USP43: variants seen among roughly 807,000 people sequenced by gnomAD.
USP43 encodes ubiquitin specific peptidase 43, also known as ubiquitin carboxyl-terminal hydrolase 43.
A neutral mutation model predicts 90.7 loss-of-function variants in USP43; 33 were observed. The ratio of observed to expected loss-of-function variants is 0.36; its 90% confidence interval spans 0.28 to 0.49. The LOEUF is 0.49. USP43 is among the 20% of genes least tolerant of loss of function. The pLI, the probability that USP43 is intolerant of heterozygous loss-of-function variation, is 0.98. For synonymous variants in USP43, 598 were observed against 615.8 expected (o/e 0.97, Z 0.43); for missense variants, 1,274 against 1,476.4 (o/e 0.86, Z 2.25).
intron 5 of USP43, among the ~76,000 whole-genome samples, chr17:9,678,390 C>G (rs1001434585): frequency 1.3e-5 from 2 of 152,184 alleles, no homozygotes; most frequent in African/African-American, 2.4e-5. Context: ...CGGAGTCTCC[C>G]TCTGTCGCCA....
intron 2 of USP43, 122 bp from the exon 3 acceptor site, chr17:9,666,526 C>A: frequency 1.3e-6 from 1 of 748,120 alleles, no homozygotes; most frequent in Non-Finnish European, 2.2e-6. Context: ...AAGGTTGAGA[C>A]TCTACAGAGG....
At chr17:9,719,416 G>A (rs1261378314) in intron 14 of USP43, among the ~76,000 whole-genome samples, 1 of 152,184 alleles carries the variant, frequency 6.6e-6, no homozygotes, top group East Asian at 1.9e-4. Flanking sequence ...GATGATAACT[G>A]TCCTGCAGAC....
intron 7 of USP43, among the ~76,000 whole-genome samples, chr17:9,684,664 G>A (rs936984703): frequency 6.6e-6 from 1 of 151,190 alleles, no homozygotes; most frequent in Non-Finnish European, 1.5e-5. Context: ...TCGGGAGGCT[G>A]AGGCAGGAGA....
In USP43 at chr17:9,709,981, C is replaced by T; in HGVS notation, c.2037C>T (p.Gly679=). 1 of 1,503,114 alleles carries T rather than the reference C, an allele frequency of 6.7e-7. No individual in the cohort carries two copies. The highest frequency in any genetic ancestry group is 8.9e-7 in the Non-Finnish European group (1 of 1,123,764). The allele number at this position is 1,503,114 out of a possible 1,614,324, so 93.1% of individuals were successfully genotyped here. A position where few individuals can be genotyped will look rare whatever the true frequency, so the allele number is the denominator to read the frequency against. Reference sequence around the variant, plus strand: ...CCTACTGCCGGAACTCTCTGGATGGCCAGTGGTACAGTTATGATGACAGCA... The same window carrying T: ...CCTACTGCCGGAACTCTCTGGATGGTCAGTGGTACAGTTATGATGACAGCA... ...YTAYCRNSLD[G]QWYSYDDSTV... is the part of the protein sequence containing the mutation. Residue 679 remains glycine, a synonymous_variant, in exon 13 of 15, where the codon GGC becomes GGT. Coordinates refer to ENST00000285199, the MANE Select transcript of USP43 (RefSeq NM_153210.5). The surrounding 1 kb of genome is among the most constrained non-coding windows in gnomAD (Gnocchi z 5.0).
chr17:9,661,491 C>T (rs1247029430), intron 2 of USP43, among the ~76,000 whole-genome samples: 2 of 152,048 alleles, frequency 1.3e-5, no homozygotes, highest in Non-Finnish European at 2.9e-5. Flanking sequence ...GACTGAGTAG[C>T]TGTGACTACA....
At chr17:9,676,627 C>A in intron 4 of USP43, 119 bp from the exon 5 acceptor site, 1 of 1,296,722 alleles carries the variant, frequency 7.7e-7, no homozygotes, top group Non-Finnish European at 1.0e-6. Context: ...CTGCTTCAGC[C>A]TCCCAAAATG....
rs558503786 is a variant in USP43 at position 9,723,905 on chromosome 17, G to A, written c.2336-4049G>A. The stretch of plus-strand genomic sequence containing the variant: ...ATTACAGGCGTGAGCCACCGCGCCC[G>A]GCTTCCCTTATAGTTTCTATCTCTT... On this transcript the variant is annotated intron_variant, in intron 14 of 14. Coordinates refer to ENST00000285199, the MANE Select transcript of USP43 (RefSeq NM_153210.5). Among the ~76,000 whole-genome samples, 146 of 152,092 alleles carry A rather than the reference G, an allele frequency of 9.6e-4. 1 individual carries two copies. The highest frequency in any genetic ancestry group is 3.4e-3 in the African/African-American group (142 of 41,494).
chr17:9,706,329 CA>C (rs1915873437), intron 12 of USP43, among the ~76,000 whole-genome samples: 1 of 152,108 alleles, frequency 6.6e-6, no homozygotes, highest in South Asian at 2.1e-4. Context: ...AAATTTTTGC[CA>C]TGCAGAAAGT....
rs534736154 is a variant in USP43 at position 9,688,629 on chromosome 17, G to A, written c.1353+1720G>A. Among the ~76,000 whole-genome samples the A allele has an allele frequency of 5.9e-5, 9 of 152,020 alleles. No individual in the cohort carries two copies. The East Asian group carries it at 9.7e-4, about 16-fold the overall frequency. On this transcript the variant is annotated intron_variant, in intron 8 of 14. Coordinates refer to ENST00000285199, the MANE Select transcript of USP43 (RefSeq NM_153210.5). ...CTCCCAAAGTGCTGGGATTACAGGC[G>A]TGAGCCACCACACCCAGCCACACCT...
intron 3 of USP43, among the ~76,000 whole-genome samples, chr17:9,673,548 A>G (rs73255759): frequency 0.017 from 2,621 of 152,254 alleles, 74 homozygotes; most frequent in African/African-American, 0.058. Context: ...ACTTTCAGAG[A>G]TCCATTCTAA....
At chr17:9,668,713 A>G (rs538361291) in intron 3 of USP43, among the ~76,000 whole-genome samples, 1 of 152,204 alleles carries the variant, frequency 6.6e-6, no homozygotes, top group East Asian at 1.9e-4. Context: ...GCCTGAAGAA[A>G]GCCTTGCTCA....
intron 9 of USP43, among the ~76,000 whole-genome samples, chr17:9,695,252 C>A (rs1915187564): frequency 6.6e-6 from 1 of 152,092 alleles, no homozygotes; most frequent in Non-Finnish European, 1.5e-5. Flanking sequence ...TAGCCCTTGC[C>A]CTGCCTCTTC....
rs779613551 is a variant in USP43, at chr17:9,656,441, T to C, written c.543T>C (p.Asn181=). The change falls in exon 2 of 15, where the codon AAT becomes AAC. Residue 181 remains asparagine, a synonymous_variant. Transcript: ENST00000285199. ...AGTACGGCTCTCAGTTCCAAGGCAA[T>C]TCCCAGCACGACGCCCTGGAATTCC... ...VSKYGSQFQG[N]SQHDALEFLL... is the part of the protein sequence containing the mutation. 6.2e-7 allele frequency: 1 copy of C among 1,611,270 alleles called. No individual in the cohort carries two copies. The highest frequency in any genetic ancestry group is 1.1e-5 in the South Asian group (1 of 90,248).
chr17:9,674,887 A>G lies in USP43; in HGVS notation c.741-4A>G, dbSNP rs1198624534. 1.9e-6 allele frequency: 3 copies of G among 1,613,598 alleles called. No individual in the cohort carries two copies. Among genetic ancestry groups the G allele is most frequent in the Non-Finnish European group, 2.5e-6 (3 of 1,179,672 alleles). ...ACGTTCGCCTCTGTTCTTCACCCTC[A>G]CAGATCTTCCTTGACTTGTCCCCAC... On this transcript the variant is annotated splice_polypyrimidine_tract_variant and splice_region_variant and intron_variant, in intron 3 of 14. Coordinates refer to ENST00000285199, the MANE Select transcript of USP43 (RefSeq NM_153210.5). The surrounding 1 kb of genome is among the most constrained non-coding windows in gnomAD (Gnocchi z 4.4).
intron 2 of USP43, among the ~76,000 whole-genome samples, chr17:9,666,118 A>G (rs16958562): frequency 0.23 from 34,522 of 152,174 alleles, 4,544 homozygotes; most frequent in African/African-American, 0.37. Flanking sequence ...ACTGATGGAC[A>G]GAGTGAAGGA....
intron 1 of USP43, among the ~76,000 whole-genome samples, chr17:9,648,237 G>A (rs1485383315): frequency 6.6e-6 from 1 of 152,218 alleles, no homozygotes; most frequent in Non-Finnish European, 1.5e-5. Context: ...AGCTTTGGAG[G>A]GAGGAGTGGA....
chr17:9,700,998 C>T (rs748853420), intron 10 of USP43, 121 bp from the exon 11 acceptor site: 1 of 1,266,750 alleles, frequency 7.9e-7, no homozygotes, highest in Admixed American at 3.5e-5. Flanking sequence ...AACCCATAGG[C>T]AGGGCACGGT....
rs893744636 is a variant in USP43, at chr17:9,726,953, G to A, written c.2336-1001G>A. On this transcript the variant is annotated intron_variant, in intron 14 of 14. Coordinates refer to ENST00000285199, the MANE Select transcript of USP43 (RefSeq NM_153210.5). ...AAGGCATTTTAATGGTACAGTGACTGATGACTGAGAATTTCTTTCTTTTTT... is the reference window on the plus strand; with the variant it reads ...AAGGCATTTTAATGGTACAGTGACTAATGACTGAGAATTTCTTTCTTTTTT... Among the ~76,000 whole-genome samples, 10 of 152,256 alleles carry A rather than the reference G, an allele frequency of 6.6e-5. No individual in the cohort carries two copies. The South Asian group carries it at 1.9e-3, about 28-fold the overall frequency.
intron 3 of USP43, among the ~76,000 whole-genome samples, chr17:9,672,299 G>A (rs565139809): frequency 7.2e-5 from 11 of 152,074 alleles, no homozygotes; most frequent in East Asian, 3.9e-4. Context: ...CCTGGCCATC[G>A]TTTTCATTCT....
Sources: allele counts gnomAD v4.1 joint callset (sites outside exome capture counted in the v4.1 genomes callset), GRCh38; gene constraint gnomAD v4.1.1; non-coding constraint Gnocchi (gnomAD v3.1); transcripts MANE v1.5; gene names NCBI Gene and HGNC (gene_info 2026-07-23, HGNC 2026-07-21).